Variants in STEAP1B observed in about 807,000 individuals in gnomAD.
STEAP1B encodes STEAP family protein MGC87042.
A neutral mutation model predicts 27.9 loss-of-function variants in STEAP1B; 13 were observed. The ratio of observed to expected loss-of-function variants is 0.47; its 90% CI spans 0.30 to 0.74. The LOEUF (loss-of-function observed/expected upper bound fraction) is 0.74. Ranked by LOEUF, STEAP1B falls within the 30% of genes least tolerant of loss-of-function variation. The probability of loss-of-function intolerance (pLI) is 0.06; values close to 1 mark genes in which losing one functional copy is unlikely to be tolerated. For missense variants in STEAP1B, 250 were observed against 298.7 expected, an observed-to-expected ratio of 0.84 and a Z score of 1.20; for synonymous variants, 86 against 107.1, an observed-to-expected ratio of 0.80 and a Z score of 1.22.
chr7:22,479,208 C>T (rs916508138), intron 4 of STEAP1B, among the ~76,000 whole-genome samples: 5 of 152,044 alleles, frequency 3.3e-5, no homozygotes, highest in African/African-American at 1.2e-4. Flanking sequence ...CTGGGTGGGA[C>T]TGAATCATAA....
At chr7:22,479,445 A>G (rs1338042885) in intron 4 of STEAP1B, among the ~76,000 whole-genome samples, 2 of 152,230 alleles carry the variant, frequency 1.3e-5, no homozygotes, top group African/African-American at 4.8e-5. Flanking sequence ...AGGTAAGTAG[A>G]AAAGAAGACA....
intron 4 of STEAP1B, among the ~76,000 whole-genome samples, chr7:22,486,101 C>A (rs1269667663): frequency 6.6e-6 from 1 of 152,212 alleles, no homozygotes; most frequent in Non-Finnish European, 1.5e-5. Flanking sequence ...GCACCTCAGA[C>A]CAATTACAGC....
rs181649245 is a variant in STEAP1B, at chr7:22,440,302, G to A, written c.763-20466C>T. Among the ~76,000 whole-genome samples the A allele has an allele frequency of 1.0e-3, 158 of 152,236 alleles. 1 individual carries two copies. In the Middle Eastern group the frequency reaches 0.014, roughly 13 times the overall value. ...TTTTAATTGGATCAATTTCTATTCT[G>A]TACTGAAATGGAATATAATTAAAAG... On this transcript the variant is annotated intron_variant, in intron 4 of 4. Coordinates refer to ENST00000678116, the MANE Select transcript of STEAP1B (RefSeq NM_001382447.1).
intron 4 of STEAP1B, among the ~76,000 whole-genome samples, chr7:22,441,997 G>A (rs918696326): frequency 2.0e-5 from 3 of 152,170 alleles, no homozygotes; most frequent in Non-Finnish European, 2.9e-5. Context: ...CATGGGATTT[G>A]GGTGGGATTT....
In STEAP1B at chr7:22,425,466, C is replaced by T. The variant is rs114798099; in HGVS notation, c.763-5630G>A. ...TCAATTCAGGCCCAAAGTCAGTCAA[C>T]GCAATGAGACAAATAAGGTTCATTA... is the stretch of plus-strand genomic sequence containing the variant. On this transcript the variant is annotated intron_variant, in intron 4 of 4. Transcript: ENST00000678116. Among the ~76,000 whole-genome samples the T allele has an allele frequency of 4.0e-3, 608 of 152,110 alleles. 1 individual carries two copies. Among genetic ancestry groups the T allele is most frequent in the African/African-American group, 0.014 (586 of 41,470 alleles).
intron 4 of STEAP1B, among the ~76,000 whole-genome samples, chr7:22,466,834 A>T (rs1459782085): frequency 1.3e-5 from 2 of 152,212 alleles, no homozygotes; most frequent in African/African-American, 4.8e-5. Context: ...CTCCAGAGCC[A>T]AACTGCCTGG....
At chr7:22,477,470 T>A (rs938305449) in intron 4 of STEAP1B, among the ~76,000 whole-genome samples, 2 of 152,226 alleles carry the variant, frequency 1.3e-5, no homozygotes, top group Non-Finnish European at 1.5e-5. Flanking sequence ...AAAGGTTAAG[T>A]GTCTTGTCCA....
At chr7:22,446,892 G>A (rs1019779634) in intron 4 of STEAP1B, among the ~76,000 whole-genome samples, 2 of 152,174 alleles carry the variant, frequency 1.3e-5, no homozygotes, top group African/African-American at 4.8e-5. Context: ...CCAGTGGCTG[G>A]CACATTGTAG....
intron 4 of STEAP1B, among the ~76,000 whole-genome samples, chr7:22,420,209 G>T (rs1013232951): frequency 1.3e-5 from 2 of 152,170 alleles, no homozygotes; most frequent in Non-Finnish European, 2.9e-5. Context: ...GGCTGAACTT[G>T]TGAATTGGGT....
chr7:22,484,160 G>T (rs992206317), intron 4 of STEAP1B, among the ~76,000 whole-genome samples: 6 of 152,232 alleles, frequency 3.9e-5, no homozygotes, highest in Non-Finnish European at 7.3e-5. Context: ...TAGGATCATT[G>T]AAGCAGGTGG....
chr7:22,445,749 C>G (rs1031351038), intron 4 of STEAP1B, among the ~76,000 whole-genome samples: 5 of 152,204 alleles, frequency 3.3e-5, no homozygotes, highest in Admixed American at 2.0e-4. Flanking sequence ...AACTCAAAGT[C>G]AGAGCTATAT....
intron 4 of STEAP1B, among the ~76,000 whole-genome samples, chr7:22,474,385 G>A (rs6955697): frequency 0.027 from 4,057 of 152,172 alleles, 179 homozygotes; most frequent in African/African-American, 0.093. Context: ...AGATATGGCC[G>A]GGACATTCTA....
At chr7:22,451,461 G>A (rs1197021456) in intron 4 of STEAP1B, among the ~76,000 whole-genome samples, 2 of 152,130 alleles carry the variant, frequency 1.3e-5, no homozygotes, top group Non-Finnish European at 2.9e-5. Flanking sequence ...ATGAAAGTGG[G>A]CATCCTTGTC....
At chr7:22,468,999 T>A (rs2158859) in intron 4 of STEAP1B, among the ~76,000 whole-genome samples, 5,701 of 152,308 alleles carry the variant, frequency 0.037, 185 homozygotes, top group Admixed American at 0.11. Context: ...CAGTTTTTTT[T>A]AAAGGTTAAT....
chr7:22,483,468 T>C (rs1296233058), intron 4 of STEAP1B, among the ~76,000 whole-genome samples: 1 of 152,210 alleles, frequency 6.6e-6, no homozygotes, highest in Non-Finnish European at 1.5e-5. Flanking sequence ...CTGCTACAAG[T>C]ATTGCATTTT....
intron 4 of STEAP1B, among the ~76,000 whole-genome samples, chr7:22,461,782 T>A (rs982696014): frequency 6.6e-5 from 10 of 152,234 alleles, no homozygotes; most frequent in Non-Finnish European, 7.3e-5. Flanking sequence ...CACCAGAGGC[T>A]GGGGTTCAGA....
intron 4 of STEAP1B, among the ~76,000 whole-genome samples, chr7:22,453,792 G>C (rs1324278139): frequency 6.6e-6 from 1 of 152,042 alleles, no homozygotes; most frequent in Non-Finnish European, 1.5e-5. Flanking sequence ...GTATCTCTTT[G>C]TATACATGAA....
intron 4 of STEAP1B, among the ~76,000 whole-genome samples, chr7:22,464,229 G>A (rs550605495): frequency 6.6e-6 from 1 of 152,194 alleles, no homozygotes; most frequent in Non-Finnish European, 1.5e-5. Context: ...TTTATCACCT[G>A]CAATGAGAAA....
intron 4 of STEAP1B, among the ~76,000 whole-genome samples, chr7:22,485,068 G>C (rs528470700): frequency 6.6e-6 from 1 of 152,218 alleles, no homozygotes; most frequent in Admixed American, 6.5e-5. Flanking sequence ...ACGCTGTGAA[G>C]ATTGTTACAA....
Sources: gnomAD v4.1 joint callset for allele counts (sites outside exome capture counted in the v4.1 genomes callset) on GRCh38, gnomAD v4.1.1 for gene constraint, MANE v1.5 for transcripts, NCBI Gene and HGNC (gene_info 2026-07-23, HGNC 2026-07-21) for gene names.